The following SLC30A8 variants were observed in gnomAD, a reference collection of about 807,000 sequenced individuals.
SLC30A8 encodes the protein proton-coupled zinc antiporter SLC30A8.
SLC30A8 carries 27 observed loss-of-function variants against 36.9 expected under a neutral mutation model. The observed-to-expected ratio is 0.73, with a 90% CI of 0.54 to 1.01. The LOEUF is 1.01. Among genes scored for constraint, SLC30A8 ranks in the 50% least tolerant of loss-of-function variants. SLC30A8 has a pLI of 0.00. For synonymous variants in SLC30A8, 164 were observed against 172.4 expected (o/e 0.95, Z 0.38); for missense variants, 439 against 452.0 (o/e 0.97, Z 0.26).
intron 1 of SLC30A8, among the ~76,000 whole-genome samples, chr8:117,030,556 G>C (rs1428595712): frequency 2.0e-5 from 3 of 152,106 alleles, no homozygotes; most frequent in Admixed American, 6.6e-5. Context: ...ATGCTGGAAG[G>C]AATAAACTTC....
At chr8:117,101,516 T>G (rs1819719722) in intron 2 of SLC30A8, among the ~76,000 whole-genome samples, 1 of 152,164 alleles carries the variant, frequency 6.6e-6, no homozygotes, top group African/African-American at 2.4e-5. Flanking sequence ...AAAGAACATT[T>G]CCTTTTATTT....
At chr8:117,104,809 A>G (rs960422893) in intron 2 of SLC30A8, among the ~76,000 whole-genome samples, 5 of 152,162 alleles carry the variant, frequency 3.3e-5, no homozygotes, top group African/African-American at 1.2e-4. Context: ...TCTTGATTAT[A>G]TGCTAAACAA....
intron 2 of SLC30A8, among the ~76,000 whole-genome samples, chr8:117,096,476 T>G (rs116083528): frequency 0.033 from 4,978 of 152,208 alleles, 188 homozygotes; most frequent in African/African-American, 0.096. Context: ...GTAGATGCAT[T>G]TAATGACTTG....
intron 2 of SLC30A8, among the ~76,000 whole-genome samples, chr8:117,114,640 G>A (rs1320241522): frequency 6.6e-6 from 1 of 152,032 alleles, no homozygotes; most frequent in African/African-American, 2.4e-5. Context: ...TACCTCTGCT[G>A]ATTCAGCAGA....
At chr8:117,045,376 C>CT (rs35044510) in intron 2 of SLC30A8, among the ~76,000 whole-genome samples, 16 of 152,098 alleles carry the variant, frequency 1.1e-4, no homozygotes, top group Non-Finnish European at 1.6e-4. Context: ...AACAAATTAC[C>CT]TTTTTTTAAA....
chr8:117,066,017 A>G (rs7017296), intron 2 of SLC30A8, among the ~76,000 whole-genome samples: 47,096 of 151,852 alleles, frequency 0.31, 8,156 homozygotes, highest in African/African-American at 0.47. Context: ...CAGCACTTCA[A>G]TTGGCCTCTC....
upstream of SLC30A8, among the ~76,000 whole-genome samples, chr8:117,134,062 C>T (rs569385099): frequency 6.6e-6 from 1 of 152,094 alleles, no homozygotes; most frequent in East Asian, 1.9e-4. Flanking sequence ...CCAAAGGTGA[C>T]TTCTCCTGTC....
chr8:117,168,527 A>T (rs1222451209), intron 6 of SLC30A8, among the ~76,000 whole-genome samples: 1 of 152,132 alleles, frequency 6.6e-6, no homozygotes, highest in African/African-American at 2.4e-5. Flanking sequence ...AAGTTCTAGG[A>T]TGTGATGGAG....
intron 1 of SLC30A8, among the ~76,000 whole-genome samples, chr8:117,139,478 C>T (rs1821540791): frequency 6.6e-6 from 1 of 152,090 alleles, no homozygotes; most frequent in Admixed American, 6.6e-5. Flanking sequence ...TATGGACTTC[C>T]ATCCTCTGGA....
At chr8:117,129,814 G>A (rs532746599) in intron 2 of SLC30A8, 5 of 151,968 alleles carry the variant, frequency 3.3e-5, no homozygotes, top group Non-Finnish European at 5.9e-5. Flanking sequence ...GGTATATAAG[G>A]CTTTTAAAAA....
chr8:117,032,395 GT>G (rs1179278562), intron 1 of SLC30A8, among the ~76,000 whole-genome samples: 8 of 152,122 alleles, frequency 5.3e-5, no homozygotes, highest in African/African-American at 1.9e-4. Context: ...GAATAAAAAG[GT>G]GTAAAAAAGA....
At chr8:117,163,634 G>A in intron 6 of SLC30A8, 104 bp downstream of exon 6, 12 of 817,964 alleles carry the variant, frequency 1.5e-5, no homozygotes, top group South Asian at 4.9e-5. Context: ...TTGAATTATG[G>A]GAAAAATTTA....
intron 1 of SLC30A8, among the ~76,000 whole-genome samples, chr8:116,961,165 C>T (rs1403779056): frequency 2.0e-5 from 3 of 152,176 alleles, no homozygotes; most frequent in East Asian, 1.9e-4. Context: ...CGCGGTGGCT[C>T]ACGCCTGTAA....
chr8:117,038,123 A>C (rs1211370325), intron 1 of SLC30A8, among the ~76,000 whole-genome samples: 2 of 152,198 alleles, frequency 1.3e-5, no homozygotes, highest in Non-Finnish European at 1.5e-5. Context: ...TTCTCTAAAC[A>C]GTAATTTTAT....
chr8:116,988,447 C>T (rs889395032), intron 1 of SLC30A8, among the ~76,000 whole-genome samples: 4 of 152,190 alleles, frequency 2.6e-5, no homozygotes, highest in Non-Finnish European at 5.9e-5. Context: ...CATGATGTCT[C>T]TTGCTTTATG....
At chr8:117,036,116 C>G (rs540201994) in intron 1 of SLC30A8, among the ~76,000 whole-genome samples, 2 of 152,164 alleles carry the variant, frequency 1.3e-5, no homozygotes, top group South Asian at 2.1e-4. Flanking sequence ...AATTCCCCCC[C>G]CCAGAAAATG....
chr8:117,061,662 A>C (rs1390502862), intron 2 of SLC30A8, among the ~76,000 whole-genome samples: 1 of 152,212 alleles, frequency 6.6e-6, no homozygotes, highest in Non-Finnish European at 1.5e-5. Context: ...ATTACTTATA[A>C]GCCAAATCTG....
In SLC30A8 at chr8:116,987,147, A is replaced by G. The variant is rs1449305158; in HGVS notation, c.-266+36028A>G. 3.3e-5 allele frequency among the ~76,000 whole-genome samples: 5 copies of G among 152,134 alleles called. No individual in the cohort carries two copies. In the South Asian group the frequency reaches 8.3e-4, roughly 25 times the overall value. ...ATCCAGTGTCTATTCATGTCATGGT[A>G]TAGAACTTCTATAGGATATCTTTCT... is the stretch of plus-strand genomic sequence containing the variant. On this transcript the variant is annotated intron_variant, in intron 1 of 10. Transcript: ENST00000427715.
chr8:117,135,318 C>T lies in SLC30A8; in HGVS notation c.-10C>T. 2 of 1,589,404 alleles carry T rather than the reference C, an allele frequency of 1.3e-6. No individual in the cohort carries two copies. The highest frequency in any genetic ancestry group is 1.2e-5 in the South Asian group (1 of 86,206). On this transcript the variant is annotated 5_prime_UTR_variant, in exon 1 of 8. Transcript: ENST00000456015. ...AACGACAACAACAGCCGCAGCTCATCCTGGCCGTCATGGAGTTTCTTGAAA... is the reference window on the plus strand; with the variant it reads ...AACGACAACAACAGCCGCAGCTCATTCTGGCCGTCATGGAGTTTCTTGAAA...
Sources: gnomAD v4.1 joint callset for allele counts (sites outside exome capture counted in the v4.1 genomes callset) on GRCh38, gnomAD v4.1.1 for gene constraint, MANE v1.5 for transcripts, NCBI Gene and HGNC (gene_info 2026-07-23, HGNC 2026-07-21) for gene names.